The following MEGF11 variants were observed in gnomAD, a reference collection of about 807,000 sequenced individuals.
The protein encoded by MEGF11 is multiple EGF like domains 11.
In MEGF11, 126 loss-of-function variants were observed where a neutral mutation model predicts 146.6. The observed-to-expected ratio is 0.86, with a 90% CI of 0.74 to 1.00. The LOEUF is 1.00. Ranked by LOEUF, MEGF11 falls within the 50% of genes least tolerant of loss-of-function variation. The pLI is 0.00. For synonymous variants in MEGF11, 532 were observed against 583.4 expected, an observed-to-expected ratio of 0.91 and a Z score of 1.27; for missense variants, 1,509 against 1,521.2, an observed-to-expected ratio of 0.99 and a Z score of 0.13.
chr15:66,049,651 A>C (rs1345441322), intron 5 of MEGF11, among the ~76,000 whole-genome samples: 1 of 152,186 alleles, frequency 6.6e-6, no homozygotes, highest in African/African-American at 2.4e-5. Context: ...TGATTATGGG[A>C]ATTATTACAT....
chr15:66,163,785 A>C (rs2090019817), intron 1 of MEGF11, among the ~76,000 whole-genome samples: 1 of 152,256 alleles, frequency 6.6e-6, no homozygotes, highest in African/African-American at 2.4e-5. Context: ...AATCAGTGGC[A>C]GCCTGGCCAC....
intron 1 of MEGF11, among the ~76,000 whole-genome samples, chr15:66,162,863 A>AG (rs2089991042): frequency 1.3e-5 from 2 of 152,280 alleles, no homozygotes; most frequent in African/African-American, 4.8e-5. Flanking sequence ...GAGAAAAAAA[A>AG]GAAATCTAAT....
At chr15:65,916,560 G>A (rs913676615) in intron 17 of MEGF11, 1 of 688,514 alleles carries the variant, frequency 1.5e-6, no homozygotes, top group African/African-American at 1.8e-5. Context: ...GGGCCCCACT[G>A]TCCAAGGAAG....
chr15:66,225,180 G>T (rs964363500), intron 1 of MEGF11, among the ~76,000 whole-genome samples: 6 of 152,214 alleles, frequency 3.9e-5, no homozygotes, highest in Admixed American at 6.5e-5. Flanking sequence ...ATTCACACTT[G>T]GTCACGGCCC....
intron 10 of MEGF11, among the ~76,000 whole-genome samples, chr15:65,948,092 C>T (rs1002807815): frequency 1.3e-5 from 2 of 152,266 alleles, no homozygotes; most frequent in African/African-American, 2.4e-5. Context: ...GACTTAACCC[C>T]CTGGTGACTC....
At chr15:66,029,540 C>A (rs2083447135) in intron 5 of MEGF11, among the ~76,000 whole-genome samples, 1 of 152,222 alleles carries the variant, frequency 6.6e-6, no homozygotes, top group Admixed American at 6.5e-5. Context: ...ACTGAAACCT[C>A]TTTACAGCAG....
At chr15:66,128,281 T>C in intron 2 of MEGF11, 25 bp downstream of exon 2, 4 of 1,435,920 alleles carry the variant, frequency 2.8e-6, no homozygotes, top group Non-Finnish European at 3.7e-6. Context: ...AGAGAGTGCC[T>C]GGCCATCTGA....
intron 10 of MEGF11, among the ~76,000 whole-genome samples, chr15:65,937,980 T>C (rs1242346947): frequency 6.6e-6 from 1 of 152,240 alleles, no homozygotes; most frequent in Non-Finnish European, 1.5e-5. Context: ...GCTCTGACTC[T>C]GAGCATCTTC....
At chr15:66,232,379 A>AAG (rs2091986056) in intron 1 of MEGF11, among the ~76,000 whole-genome samples, 1 of 152,190 alleles carries the variant, frequency 6.6e-6, no homozygotes, top group African/African-American at 2.4e-5. Context: ...CAGTCAAGGC[A>AAG]GACAGTAGGA....
chr15:66,046,644 T>C (rs1391300310), intron 5 of MEGF11, among the ~76,000 whole-genome samples: 1 of 152,152 alleles, frequency 6.6e-6, no homozygotes, highest in Non-Finnish European at 1.5e-5. Flanking sequence ...TTTGCTTTGT[T>C]CTTAAAGGAT....
Position 65,957,566 on chromosome 15 carries a change from G to A in MEGF11, c.1268C>T (p.Thr423Ile), listed in dbSNP as rs1245938208. 3 of 1,613,572 alleles carry A rather than the reference G, an allele frequency of 1.9e-6. No homozygotes were observed. Among genetic ancestry groups the A allele is most frequent in the African/African-American group, 1.3e-5 (1 of 74,924 alleles). ...TCTTACCATGAAGCCCGGAGCACAA[G>A]TGCAGCCCCCAGTGATGCTGTGGCA... ...ADCHSITGGC[T>I]CAPGFMGEVC... is the part of the protein sequence containing the mutation. Residue 423 changes from threonine to isoleucine, a missense_variant, in exon 10 of 26, where the codon ACT becomes ATT. Coordinates refer to ENST00000395614, the MANE Select transcript of MEGF11 (RefSeq NM_001385028.1).
At chr15:65,997,109 T>C (rs2141811065) in intron 5 of MEGF11, among the ~76,000 whole-genome samples, 1 of 152,330 alleles carries the variant, frequency 6.6e-6, no homozygotes, top group Admixed American at 6.5e-5. Flanking sequence ...TGAGAGGAGC[T>C]CCCAGCTGGG....
chr15:65,979,650 T>G (rs148387251), intron 7 of MEGF11, among the ~76,000 whole-genome samples: 77 of 152,320 alleles, frequency 5.1e-4, no homozygotes, highest in Non-Finnish European at 9.1e-4. Flanking sequence ...AGGCAGGCAC[T>G]GACAGGCAGG....
intron 4 of MEGF11, 108 bp from the exon 5 acceptor site, chr15:66,094,602 T>C: frequency 1.1e-6 from 1 of 901,950 alleles, no homozygotes; most frequent in South Asian, 1.7e-5. Context: ...TGCCCAGGGA[T>C]GCTTAGAACG....
chr15:65,979,913 AG>A (rs974169397), intron 7 of MEGF11, among the ~76,000 whole-genome samples: 5 of 152,128 alleles, frequency 3.3e-5, no homozygotes, highest in African/African-American at 1.2e-4. Context: ...TAGGCCCATG[AG>A]GTTACAAATC....
At chr15:65,928,325 C>A (rs1402978299) in intron 13 of MEGF11, 100 bp downstream of exon 13, 4 of 669,102 alleles carry the variant, frequency 6.0e-6, no homozygotes, top group Non-Finnish European at 1.0e-5. Context: ...ACTCAGGGAT[C>A]AAGAAGAGAG....
intron 4 of MEGF11, among the ~76,000 whole-genome samples, chr15:66,113,516 A>G (rs1042061660): frequency 1.3e-5 from 2 of 150,908 alleles, no homozygotes; most frequent in African/African-American, 4.8e-5. Flanking sequence ...GCAGTGAGGC[A>G]TGCTTTCTCC....
chr15:66,032,568 C>A (rs1469879153), intron 5 of MEGF11, among the ~76,000 whole-genome samples: 1 of 152,200 alleles, frequency 6.6e-6, no homozygotes, highest in African/African-American at 2.4e-5. Flanking sequence ...GCAAAGGCCA[C>A]TCTGACAAAG....
chr15:65,937,480 C>A (rs1246469588), intron 10 of MEGF11, among the ~76,000 whole-genome samples: 2 of 152,016 alleles, frequency 1.3e-5, no homozygotes, highest in Non-Finnish European at 1.5e-5. Flanking sequence ...AATGTACAGG[C>A]CTTGGTTTCT....
Sources: allele counts gnomAD v4.1 joint callset (sites outside exome capture counted in the v4.1 genomes callset), GRCh38; gene constraint gnomAD v4.1.1; transcripts MANE v1.5; gene names NCBI Gene and HGNC (gene_info 2026-07-23, HGNC 2026-07-21).